The following ARK2N variants were observed in gnomAD, a reference collection of about 807,000 sequenced individuals.
ARK2N encodes protein ARK2N.
the ARK2N span, among the ~76,000 whole-genome samples, chr18:46,235,245 A>G: frequency 6.6e-6 from 1 of 152,222 alleles, no homozygotes; most frequent in Non-Finnish European, 1.5e-5. Context: ...ACTTCAAACA[A>G]AAATACAAAA....
chr18:46,247,870 C>T, the ARK2N span, among the ~76,000 whole-genome samples: 1 of 152,180 alleles, frequency 6.6e-6, no homozygotes, highest in Non-Finnish European at 1.5e-5. Flanking sequence ...CCGGGTTTTG[C>T]CATGTTGGCC....
the ARK2N span, among the ~76,000 whole-genome samples, chr18:46,241,698 C>T: frequency 1.3e-5 from 2 of 151,900 alleles, no homozygotes; most frequent in African/African-American, 4.8e-5. Context: ...GCACTCCAGC[C>T]TGGGTGACAA....
the ARK2N span, among the ~76,000 whole-genome samples, chr18:46,193,642 A>G: frequency 2.3e-5 from 3 of 131,268 alleles, no homozygotes; most frequent in African/African-American, 8.7e-5. Flanking sequence ...TCTGTCACCC[A>G]GGCTGCAGTG....
the ARK2N span, among the ~76,000 whole-genome samples, chr18:46,179,746 C>T: frequency 1.3e-5 from 2 of 152,126 alleles, no homozygotes; most frequent in East Asian, 3.8e-4. Context: ...CTGCCTCAGC[C>T]TCCCGAGTAG....
the ARK2N span, among the ~76,000 whole-genome samples, chr18:46,241,422 G>T: frequency 1.3e-5 from 2 of 152,234 alleles, no homozygotes; most frequent in African/African-American, 2.4e-5. Context: ...CAAATACTTT[G>T]AAAAGAAGTA....
the ARK2N span, among the ~76,000 whole-genome samples, chr18:46,184,005 T>G: frequency 1.3e-5 from 2 of 150,704 alleles, no homozygotes; most frequent in Non-Finnish European, 3.0e-5. Context: ...TGTATTTTAT[T>G]TTTGAGACGG....
the ARK2N span, among the ~76,000 whole-genome samples, chr18:46,179,934 CTT>C: frequency 6.6e-6 from 1 of 151,948 alleles, no homozygotes; most frequent in Non-Finnish European, 1.5e-5. Flanking sequence ...CTAAAGTTCT[CTT>C]CTATATTCCT....
At chr18:46,249,467 C>T in the ARK2N span, among the ~76,000 whole-genome samples, 3 of 152,026 alleles carry the variant, frequency 2.0e-5, no homozygotes, top group African/African-American at 4.8e-5. Flanking sequence ...CTCCTGACCT[C>T]GTGATCCACC....
At chr18:46,253,752 A>G in the ARK2N span, 1 of 1,613,424 alleles carries the variant, frequency 6.2e-7, no homozygotes, top group East Asian at 2.2e-5. Flanking sequence ...GCAATGCGCC[A>G]CTCAATGAAG....
At chr18:46,196,252 T>C in the ARK2N span, among the ~76,000 whole-genome samples, 1 of 151,682 alleles carries the variant, frequency 6.6e-6, no homozygotes, top group African/African-American at 2.4e-5. Context: ...AGTGCTGGGA[T>C]TACAGGCGTG....
chr18:46,240,609 G>A, the ARK2N span, among the ~76,000 whole-genome samples: 6 of 152,244 alleles, frequency 3.9e-5, no homozygotes, highest in African/African-American at 1.4e-4. Context: ...CATACACAGC[G>A]CTGCCGCTGT....
At chr18:46,216,249 G>C in the ARK2N span, 1 of 1,613,840 alleles carries the variant, frequency 6.2e-7, no homozygotes, top group Non-Finnish European at 8.5e-7. This position sits in a 1 kb window ranked among gnomAD's most constrained non-coding sequence, Gnocchi z 4.3. Flanking sequence ...CAGAAACGGC[G>C]GTAGAAGGAG....
At chr18:46,177,425 T>C in the ARK2N span, among the ~76,000 whole-genome samples, 1 of 133,520 alleles carries the variant, frequency 7.5e-6, no homozygotes, top group Non-Finnish European at 1.5e-5. Context: ...TTTCTTTTTT[T>C]CTTTACTTTT....
chr18:46,174,731 G>A, the ARK2N span, among the ~76,000 whole-genome samples: 1 of 152,178 alleles, frequency 6.6e-6, no homozygotes. Context: ...TCACGGCCCT[G>A]GAGTTGTCTT....
chr18:46,216,320 G>C, the ARK2N span: 1 of 1,614,058 alleles, frequency 6.2e-7, no homozygotes, highest in Non-Finnish European at 8.5e-7. This position sits in a 1 kb window ranked among gnomAD's most constrained non-coding sequence, Gnocchi z 4.3. Flanking sequence ...CGATCTGAAA[G>C]TGAAACTTCC....
At chr18:46,209,757 G>A in the ARK2N span, among the ~76,000 whole-genome samples, 262 of 152,074 alleles carry the variant, frequency 1.7e-3, 4 homozygotes, top group East Asian at 1.4e-3. Context: ...CACCACACCC[G>A]GCTAATTTTT....
At chr18:46,248,509 G>A in the ARK2N span, among the ~76,000 whole-genome samples, 1 of 152,132 alleles carries the variant, frequency 6.6e-6, no homozygotes, top group African/African-American at 2.4e-5. Context: ...ATGACCACTG[G>A]TTTTCCTTCT....
the ARK2N span, among the ~76,000 whole-genome samples, chr18:46,249,576 C>A: frequency 6.6e-6 from 1 of 152,194 alleles, no homozygotes; most frequent in South Asian, 2.1e-4. Flanking sequence ...TCTGCACCTG[C>A]CCACACCTAC....
the ARK2N span, among the ~76,000 whole-genome samples, chr18:46,193,629 T>C: frequency 0.017 from 2,432 of 142,510 alleles, 77 homozygotes; most frequent in African/African-American, 0.06. Flanking sequence ...GACAGAGTCT[T>C]GCTCTGTCAC....
Sources: allele counts gnomAD v4.1 joint callset (sites outside exome capture counted in the v4.1 genomes callset), GRCh38; gene constraint gnomAD v4.1.1; non-coding constraint Gnocchi (gnomAD v3.1); transcripts MANE v1.5; gene names NCBI Gene and HGNC (gene_info 2026-07-23, HGNC 2026-07-21).